The following PDZD8 variants were observed in gnomAD, a reference collection of about 807,000 sequenced individuals.
PDZD8 encodes PDZ domain-containing protein 8.
In PDZD8, 14 loss-of-function variants were observed where a neutral mutation model predicts 85.8. The ratio of observed to expected loss-of-function variants is 0.16; its 90% CI spans 0.11 to 0.26. The LOEUF is 0.26. Ranked by LOEUF, PDZD8 falls within the 10% of genes least tolerant of loss-of-function variation. The pLI is 1.00. For synonymous variants in PDZD8, 592 were observed against 568.6 expected, an observed-to-expected ratio of 1.04 and a Z score of -0.59; for missense variants, 1,197 against 1,424.3, an observed-to-expected ratio of 0.84 and a Z score of 2.57.
intron 2 of PDZD8, among the ~76,000 whole-genome samples, chr10:117,328,092 T>C (rs1023307259): frequency 6.6e-6 from 1 of 152,196 alleles, no homozygotes; most frequent in Non-Finnish European, 1.5e-5. Context: ...AAAAAAAAAT[T>C]ATTTCTTAGG....
chr10:117,281,997 A>C lies in PDZD8; in HGVS notation c.*1271T>G, dbSNP rs1565013806. The C allele has an allele frequency of 6.6e-6, 1 of 152,202 alleles. No individual in the cohort carries two copies. Among genetic ancestry groups the C allele is most frequent in the Non-Finnish European group, 1.5e-5 (1 of 68,040 alleles). 9.4% of individuals were successfully genotyped at this position (152,202 alleles called of 1,614,324 possible). On this transcript the variant is annotated 3_prime_UTR_variant, in exon 5 of 5. Coordinates refer to ENST00000334464, the MANE Select transcript of PDZD8 (RefSeq NM_173791.5). ...CAGTCGAGCTTACTTGTTTTCCCTC[A>C]GTCAAATGTTACTGGGACCCGTAAA... is the stretch of plus-strand genomic sequence containing the variant.
chr10:117,322,682 T>A (rs1292148890), intron 2 of PDZD8, among the ~76,000 whole-genome samples: 1 of 151,776 alleles, frequency 6.6e-6, no homozygotes, highest in Non-Finnish European at 1.5e-5. Context: ...AATGGGAAAA[T>A]CATTGGCTAG....
At chr10:117,341,718 C>G (rs2794417) in intron 1 of PDZD8, among the ~76,000 whole-genome samples, 1 of 152,228 alleles carries the variant, frequency 6.6e-6, no homozygotes, top group African/African-American at 2.4e-5. Context: ...ACATGTTCAG[C>G]GCAGATTAAA....
At chr10:117,357,690 C>G (rs751933605) in intron 1 of PDZD8, among the ~76,000 whole-genome samples, 25 of 138,152 alleles carry the variant, frequency 1.8e-4, no homozygotes, top group Non-Finnish European at 1.5e-5. Flanking sequence ...CACTTGAACC[C>G]AGAAGGCAGA....
At chr10:117,290,886 T>C (rs1437056770) in intron 3 of PDZD8, among the ~76,000 whole-genome samples, 1 of 130,092 alleles carries the variant, frequency 7.7e-6, no homozygotes, top group Non-Finnish European at 1.7e-5. Flanking sequence ...TTTTTTTTTT[T>C]TGAGACAGGG....
In PDZD8 at chr10:117,375,349, G is replaced by T; in HGVS notation, c.-122C>A. 1 of 824,942 alleles carries T rather than the reference G, an allele frequency of 1.2e-6. No homozygotes were observed. The highest frequency in any genetic ancestry group is 1.7e-6 in the Non-Finnish European group (1 of 587,882). The allele number at this position is 824,942 out of a possible 1,614,324, so 51.1% of individuals were successfully genotyped here. ...CGGCTGGGTCGGGGCGAGCGGCTCC[G>T]TGGGCCTCGTCCAGGGGCTCGGGCC... On this transcript the variant is annotated 5_prime_UTR_variant, in exon 1 of 5. Coordinates refer to ENST00000334464, the MANE Select transcript of PDZD8 (RefSeq NM_173791.5).
Position 117,318,853 on chromosome 10 carries a change from C to A in PDZD8, c.1098+19G>T. On this transcript the variant is annotated intron_variant, in intron 3 of 4. Coordinates refer to ENST00000334464, the MANE Select transcript of PDZD8 (RefSeq NM_173791.5). ...AATAGAACTTTATATAGATATAAAT[C>A]ACTGTAAATCCATTTTACCGTCTTA... is the stretch of plus-strand genomic sequence containing the variant. 1 of 1,486,140 alleles carries A rather than the reference C, an allele frequency of 6.7e-7. No individual in the cohort carries two copies. The highest frequency in any genetic ancestry group is 1.1e-5 in the South Asian group (1 of 87,666). The allele number at this position is 1,486,140 out of a possible 1,614,324, so 92.1% of individuals were successfully genotyped here. A position where few individuals can be genotyped will look rare whatever the true frequency, so the allele number is the denominator to read the frequency against.
At chr10:117,313,505 G>A (rs1237267821) in intron 3 of PDZD8, among the ~76,000 whole-genome samples, 6 of 151,804 alleles carry the variant, frequency 4.0e-5, no homozygotes, top group Non-Finnish European at 8.8e-5. Flanking sequence ...TCAAAGTCTC[G>A]GGCTCAATCA....
intron 2 of PDZD8, among the ~76,000 whole-genome samples, chr10:117,320,832 T>C (rs768856331): frequency 2.0e-5 from 3 of 152,028 alleles, no homozygotes; most frequent in Non-Finnish European, 4.4e-5. Flanking sequence ...AGACAAATAA[T>C]GCAATTTTAA....
At chr10:117,343,523 T>C (rs191005640) in intron 1 of PDZD8, among the ~76,000 whole-genome samples, 3 of 150,650 alleles carry the variant, frequency 2.0e-5, no homozygotes, top group African/African-American at 7.3e-5. Flanking sequence ...GAAAAACATA[T>C]AACTGTTAGT....
chr10:117,293,960 T>TA, intron 3 of PDZD8, among the ~76,000 whole-genome samples: 1 of 152,194 alleles, frequency 6.6e-6, no homozygotes, highest in Middle Eastern at 3.4e-3. Context: ...ATTCATGAGT[T>TA]AAAGAAAAAT....
At chr10:117,331,177 A>G (rs930330008) in intron 2 of PDZD8, among the ~76,000 whole-genome samples, 1 of 152,218 alleles carries the variant, frequency 6.6e-6, no homozygotes, top group Non-Finnish European at 1.5e-5. Flanking sequence ...TTTAGACAAA[A>G]TGCATTCACT....
Position 117,374,307 on chromosome 10 carries a change from C to G in PDZD8, c.872+49G>C. ...TTCCCAATCCACGCAGCGTCCCGCC[C>G]AGGCCCGGGTTCCCGGCAGCCAGGC... On this transcript the variant is annotated intron_variant, in intron 1 of 4. Coordinates refer to ENST00000334464, the MANE Select transcript of PDZD8 (RefSeq NM_173791.5). This position sits in a 1 kb window ranked among gnomAD's most constrained non-coding sequence, Gnocchi z 7.8. 1 of 1,595,962 alleles carries G rather than the reference C, an allele frequency of 6.3e-7. No individual in the cohort carries two copies. The highest frequency in any genetic ancestry group is 1.1e-5 in the South Asian group (1 of 87,664).
intron 1 of PDZD8, among the ~76,000 whole-genome samples, chr10:117,359,688 G>A (rs111382445): frequency 0.022 from 3,350 of 152,260 alleles, 127 homozygotes; most frequent in African/African-American, 0.076. Context: ...TCCAACCTGG[G>A]TGACAGAGTG....
intron 1 of PDZD8, among the ~76,000 whole-genome samples, chr10:117,346,932 C>T (rs1844719400): frequency 6.6e-6 from 1 of 152,112 alleles, no homozygotes; most frequent in Admixed American, 6.5e-5. Context: ...TCACTGCCCC[C>T]TCAAGCCTCT....
rs564238539 is a variant in PDZD8, at chr10:117,339,892, A to C, written c.995+1088T>G. Among the ~76,000 whole-genome samples, 301 of 152,316 alleles carry C rather than the reference A, an allele frequency of 2.0e-3. 3 individuals carry two copies. Among genetic ancestry groups the C allele is most frequent in the Non-Finnish European group, 8.5e-4 (58 of 68,020 alleles). ...GAGAGCTAAGAGGAACCTGTGTGTC[A>C]TGGTGAGGATTTGGGTCCACATCCT... On this transcript the variant is annotated intron_variant, in intron 2 of 4. Coordinates refer to ENST00000334464, the MANE Select transcript of PDZD8 (RefSeq NM_173791.5).
chr10:117,359,876 TTGAAG>T (rs774106126), intron 1 of PDZD8, among the ~76,000 whole-genome samples: 2 of 152,224 alleles, frequency 1.3e-5, no homozygotes, highest in Non-Finnish European at 2.9e-5. Context: ...ATGAAATTCC[TTGAAG>T]TGTACTATTC....
chr10:117,304,482 C>T (rs1386875988), intron 3 of PDZD8, among the ~76,000 whole-genome samples: 1 of 152,006 alleles, frequency 6.6e-6, no homozygotes, highest in Non-Finnish European at 1.5e-5. Context: ...TGAGTTAAGA[C>T]TTTTTGGGGA....
Position 117,374,999 on chromosome 10 carries a change from C to A in PDZD8, c.229G>T (p.Gly77Cys). ...TCGGGGGCCGCGGTGGGGGTCGCGCCGCCCTCAGGGGCCGCTCCGGAGGGC... is the reference window on the plus strand; with the variant it reads ...TCGGGGGCCGCGGTGGGGGTCGCGCAGCCCTCAGGGGCCGCTCCGGAGGGC... ...EEPSGAAPEG[G>C]ATPTAAPETP... The change falls in exon 1 of 5, where the codon GGC becomes TGC. Residue 77 changes from glycine (G) to cysteine (C), a missense_variant. Coordinates refer to ENST00000334464, the MANE Select transcript of PDZD8 (RefSeq NM_173791.5). This position sits in a 1 kb window ranked among gnomAD's most constrained non-coding sequence, Gnocchi z 7.8. 6.3e-7 allele frequency: 1 copy of A among 1,590,638 alleles called. No homozygotes were observed. The highest frequency in any genetic ancestry group is 1.1e-5 in the South Asian group (1 of 89,248).
Sources: gnomAD v4.1 joint callset for allele counts (sites outside exome capture counted in the v4.1 genomes callset) on GRCh38, gnomAD v4.1.1 for gene constraint, Gnocchi (gnomAD v3.1) non-coding constraint, MANE v1.5 for transcripts, NCBI Gene and HGNC (gene_info 2026-07-23, HGNC 2026-07-21) for gene names.